EPB41: variants seen among roughly 807,000 people sequenced by gnomAD.
EPB41 encodes erythrocyte membrane protein band 4.1, also known as protein 4.1.
A neutral mutation model predicts 108.0 loss-of-function variants in EPB41; 65 were observed. That is an observed-to-expected ratio of 0.60 (90% CI 0.49 to 0.74). The LOEUF is 0.74. EPB41 is among the 30% of genes least tolerant of loss of function. EPB41 has a pLI of 0.00. For synonymous variants in EPB41, 336 were observed against 358.9 expected (o/e 0.94, Z 0.72); for missense variants, 875 against 1,037.0 (o/e 0.84, Z 2.15).
At chr1:29,022,653 G>A (rs1001153665) in intron 7 of EPB41, among the ~76,000 whole-genome samples, 7 of 151,924 alleles carry the variant, frequency 4.6e-5, no homozygotes, top group African/African-American at 9.7e-5. Context: ...CCTGGGAGGC[G>A]GTGGTTGCAG....
intron 1 of EPB41, among the ~76,000 whole-genome samples, chr1:28,967,810 C>CTT (rs1278947795): frequency 6.4e-4 from 78 of 121,148 alleles, no homozygotes; most frequent in Non-Finnish European, 1.1e-3. Context: ...TGGGCCTTGT[C>CTT]TTTTTTTTTT....
chr1:29,107,867 A>AT (rs921456604), intron 17 of EPB41, among the ~76,000 whole-genome samples: 4 of 149,464 alleles, frequency 2.7e-5, no homozygotes, highest in African/African-American at 9.8e-5. Flanking sequence ...AAAAAAAAAA[A>AT]AAAATACAAA....
rs1469847584 is a variant in EPB41, at chr1:28,903,322, C to CTTT, written c.-8+16113_-8+16115dup. On this transcript the variant is annotated intron_variant, in intron 1 of 16. Transcript: ENST00000347529. Reference sequence around the variant, plus strand: ...CTGAGACTCTATTTCTTTTTCTTTTCTTTCTTTTTTTTTTTTTTTTGAGCT... The same window carrying CTTT: ...CTGAGACTCTATTTCTTTTTCTTTTCTTTTTTCTTTTTTTTTTTTTTTTGAGCT... Among the ~76,000 whole-genome samples, 214 of 144,410 alleles carry CTTT rather than the reference C, an allele frequency of 1.5e-3. 6 individuals are homozygous for CTTT. Among genetic ancestry groups the CTTT allele is most frequent in the African/African-American group, 4.8e-3 (182 of 37,598 alleles). 94.7% of individuals were successfully genotyped at this position (144,410 alleles called of 152,430 possible). A position where few individuals can be genotyped will look rare whatever the true frequency, so the allele number is the denominator to read the frequency against.
chr1:29,080,895 T>C (rs80047016), intron 16 of EPB41, among the ~76,000 whole-genome samples: 8 of 152,358 alleles, frequency 5.3e-5, no homozygotes, highest in Non-Finnish European at 1.2e-4. Context: ...TGTGTAAACT[T>C]ATGAATAAAT....
chr1:29,029,263 AT>A (rs1214509821), intron 7 of EPB41, among the ~76,000 whole-genome samples: 1 of 152,170 alleles, frequency 6.6e-6, no homozygotes, highest in Non-Finnish European at 1.5e-5. Flanking sequence ...TTTCAGGTTC[AT>A]TAATAAATAG....
At chr1:29,068,254 T>C (rs1336721781) in intron 16 of EPB41, among the ~76,000 whole-genome samples, 1 of 152,246 alleles carries the variant, frequency 6.6e-6, no homozygotes, top group East Asian at 1.9e-4. Flanking sequence ...CTGCGTATTT[T>C]CTAGAAGTTT....
chr1:28,989,053 C>T (rs1322341579), intron 2 of EPB41, among the ~76,000 whole-genome samples: 9 of 152,124 alleles, frequency 5.9e-5, no homozygotes, highest in Admixed American at 2.6e-4. Flanking sequence ...GGTTCTTTTA[C>T]GTAAATCTTC....
rs2089547145 is a variant in EPB41, at chr1:28,887,447, G to A, written c.-8+237G>A. On this transcript the variant is annotated intron_variant, in intron 1 of 16. Coordinates refer to the EPB41 transcript ENST00000347529. The surrounding 1 kb of genome is among the most constrained non-coding windows in gnomAD (Gnocchi z 4.9). ...AGGGGCGTGGGAGTCTGGAGAGGGGGTCCGGGAGCTCGGATCCGGAGCTAG... is the reference window on the plus strand; with the variant it reads ...AGGGGCGTGGGAGTCTGGAGAGGGGATCCGGGAGCTCGGATCCGGAGCTAG... 2 of 985,208 alleles carry A rather than the reference G, an allele frequency of 2.0e-6. No homozygotes were observed. The highest frequency in any genetic ancestry group is 6.2e-5 in the Admixed American group (1 of 16,258). The allele number at this position is 985,208 out of a possible 1,614,324, so 61.0% of individuals were successfully genotyped here.
intron 1 of EPB41, among the ~76,000 whole-genome samples, chr1:28,953,811 C>T (rs989312352): frequency 6.6e-6 from 1 of 152,218 alleles, no homozygotes; most frequent in South Asian, 2.1e-4. Context: ...CCAAGGTTCT[C>T]AAAGTTAAGC....
At chr1:28,953,187 C>G (rs947740434) in intron 1 of EPB41, among the ~76,000 whole-genome samples, 5 of 151,950 alleles carry the variant, frequency 3.3e-5, no homozygotes, top group Non-Finnish European at 7.3e-5. Context: ...TCTTATCTCT[C>G]TCTCTCTTTT....
At chr1:29,009,383 T>A (rs974642340) in intron 4 of EPB41, among the ~76,000 whole-genome samples, 2 of 152,186 alleles carry the variant, frequency 1.3e-5, no homozygotes, top group Non-Finnish European at 2.9e-5. Context: ...GGAGTCTTTA[T>A]ATGATTGACA....
chr1:29,066,765 C>CTA (rs1648140873), intron 16 of EPB41, among the ~76,000 whole-genome samples: 1 of 152,032 alleles, frequency 6.6e-6, no homozygotes, highest in Non-Finnish European at 1.5e-5. Flanking sequence ...CCTCCACCTC[C>CTA]TGGCTTCAAG....
At chr1:28,995,912 C>G (rs566618833) in intron 3 of EPB41, among the ~76,000 whole-genome samples, 1 of 152,148 alleles carries the variant, frequency 6.6e-6, no homozygotes, top group Non-Finnish European at 1.5e-5. Context: ...TTAAGACTGA[C>G]AATGAATGAA....
rs751215610 is a variant in EPB41 at position 28,887,233 on chromosome 1, G to T, written c.-8+23G>T. On this transcript the variant is annotated intron_variant, in intron 1 of 16. Coordinates refer to the EPB41 transcript ENST00000347529. The surrounding 1 kb of genome is among the most constrained non-coding windows in gnomAD (Gnocchi z 4.9). ...CAGGTGAGCCTGGACCACCTGGGGGGCGACCCTCGGTCCCCGGGAGGGACG... is the reference window on the plus strand; with the variant it reads ...CAGGTGAGCCTGGACCACCTGGGGGTCGACCCTCGGTCCCCGGGAGGGACG... The T allele has an allele frequency of 7.8e-7, 1 of 1,280,666 alleles. No homozygotes were observed. The highest frequency in any genetic ancestry group is 1.0e-6 in the Non-Finnish European group (1 of 984,926). 79.3% of individuals were successfully genotyped at this position (1,280,666 alleles called of 1,614,324 possible). A position where few individuals can be genotyped will look rare whatever the true frequency, so the allele number is the denominator to read the frequency against.
At chr1:28,910,081 C>T (rs1317126423), upstream of EPB41, among the ~76,000 whole-genome samples, 1 of 144,608 alleles carries the variant, frequency 6.9e-6, no homozygotes, top group South Asian at 2.1e-4. Context: ...AGTGAGACCA[C>T]TGTCTCAAAA....
chr1:29,109,708 G>C (rs1377301470), intron 18 of EPB41: 2 of 485,032 alleles, frequency 4.1e-6, no homozygotes, highest in African/African-American at 3.9e-5. Flanking sequence ...TCTGGTCAGT[G>C]AGTCCCCTGT....
chr1:28,993,496 G>A lies in EPB41; in HGVS notation c.635G>A (p.Cys212Tyr), dbSNP rs746430671. 40 of 1,613,928 alleles carry A rather than the reference G, an allele frequency of 2.5e-5. 1 individual carries two copies. In the Middle Eastern group the frequency reaches 2.5e-3, roughly 100 times the overall value. The change falls in exon 3 of 21, where the codon TGC (cysteine) becomes TAC (tyrosine). Residue 212 changes from cysteine (C) to tyrosine (Y), a missense_variant. Transcript: ENST00000343067. ...ATCAGAAAACACAGGAACATGCACT[G>A]CAAGGTTTCTTTGTTGGATGACACA... Reference protein sequence around the residue: ...KPIRKHRNMHCKVSLLDDTVY... With the variant: ...KPIRKHRNMHYKVSLLDDTVY...
intron 11 of EPB41, among the ~76,000 whole-genome samples, chr1:29,046,500 T>C (rs1643273029): frequency 6.6e-6 from 1 of 152,188 alleles, no homozygotes; most frequent in African/African-American, 2.4e-5. Context: ...GTACTCAACA[T>C]CAACTGAAAA....
chr1:28,925,736 G>A (rs1411051740), intron 1 of EPB41, among the ~76,000 whole-genome samples: 2 of 152,146 alleles, frequency 1.3e-5, no homozygotes, highest in African/African-American at 2.4e-5. Flanking sequence ...GGGAAAAGTA[G>A]CAGGAGTTTA....
Sources: allele counts gnomAD v4.1 joint callset (sites outside exome capture counted in the v4.1 genomes callset), GRCh38; gene constraint gnomAD v4.1.1; non-coding constraint Gnocchi (gnomAD v3.1); transcripts MANE v1.5; gene names NCBI Gene and HGNC (gene_info 2026-07-23, HGNC 2026-07-21).